AIDA: variants seen among roughly 807,000 people sequenced by gnomAD.
AIDA encodes axin interactor, dorsalization associated.
Under a neutral mutation model 42.7 loss-of-function variants are expected in AIDA, and 18 were observed. The ratio of observed to expected loss-of-function variants is 0.42; its 90% CI spans 0.29 to 0.63. The LOEUF is 0.63. Among genes scored for constraint, AIDA ranks in the 20% least tolerant of loss-of-function variants. AIDA has a pLI of 0.19. For missense variants in AIDA, 250 were observed against 354.1 expected (o/e 0.71, Z 2.36); for synonymous variants, 104 against 122.9 (o/e 0.85, Z 1.02).
intron 2 of AIDA, among the ~76,000 whole-genome samples, chr1:222,702,241 T>C (rs1655729700): frequency 6.6e-6 from 1 of 152,184 alleles, no homozygotes; most frequent in African/African-American, 2.4e-5. Flanking sequence ...AAATGGATGT[T>C]GTTAGGCTTA....
At chr1:222,673,572 C>G (rs778919579) in intron 7 of AIDA, 137 bp from the exon 8 acceptor site, 15 of 508,162 alleles carry the variant, frequency 3.0e-5, no homozygotes, top group Non-Finnish European at 4.2e-5. Context: ...GTCAGGAGAT[C>G]AAGAACATCC....
At chr1:222,684,660 T>C (rs574283255) in intron 6 of AIDA, among the ~76,000 whole-genome samples, 1 of 152,088 alleles carries the variant, frequency 6.6e-6, no homozygotes, top group Non-Finnish European at 1.5e-5. Flanking sequence ...GGGAAAAAAA[T>C]TCAGGGACTA....
intron 6 of AIDA, among the ~76,000 whole-genome samples, chr1:222,686,516 C>T (rs1007938961): frequency 1.3e-5 from 2 of 152,180 alleles, no homozygotes; most frequent in East Asian, 3.9e-4. Context: ...CATGTTGTCA[C>T]AACTTGTTGA....
chr1:222,684,718 G>T (rs1664711727), intron 6 of AIDA, among the ~76,000 whole-genome samples: 1 of 152,142 alleles, frequency 6.6e-6, no homozygotes, highest in Non-Finnish European at 1.5e-5. Context: ...ATATCACAAT[G>T]CTATATCAGA....
chr1:222,693,705 A>G, intron 4 of AIDA, 84 bp downstream of exon 4: 1 of 1,184,618 alleles, frequency 8.4e-7, no homozygotes, highest in Non-Finnish European at 1.2e-6. Context: ...AAATCAAATC[A>G]TAATCTTTGT....
chr1:222,669,909 G>A lies in AIDA; in HGVS notation c.905C>T (p.Thr302Ile), dbSNP rs780468291. 8.7e-6 allele frequency: 14 copies of A among 1,611,584 alleles called. No individual in the cohort carries two copies. The highest frequency in any genetic ancestry group is 1.2e-5 in the Non-Finnish European group (14 of 1,179,544). Reference protein sequence around the residue: ...KKPLYLHLHQTLHKE With the variant: ...KKPLYLHLHQILHKE ...ATGTCAGGATCATTCCTTGTGCAAA[G>A]TTTGATGTAGATGAAGATAAAGTGG... The change falls in exon 10 of 10, where the codon ACT (threonine) becomes ATT (isoleucine). Residue 302 changes from threonine (T) to isoleucine (I), a missense_variant. This residue lies in a region of AIDA where 35 missense variants were observed against 75.9 expected (regional missense o/e 0.46). Coordinates refer to ENST00000340020, the MANE Select transcript of AIDA (RefSeq NM_022831.4).
rs1664394682 is a variant in AIDA, at chr1:222,668,942, AT to A, written c.*950del. The A allele has an allele frequency of 6.6e-6, 1 of 151,936 alleles. No individual in the cohort carries two copies. The highest frequency in any genetic ancestry group is 2.1e-4 in the South Asian group (1 of 4,816). The allele number at this position is 151,936 out of a possible 1,614,324, so 9.4% of individuals were successfully genotyped here. A position where few individuals can be genotyped will look rare whatever the true frequency, so the allele number is the denominator to read the frequency against. On this transcript the variant is annotated 3_prime_UTR_variant, in exon 10 of 10. Coordinates refer to ENST00000340020, the MANE Select transcript of AIDA (RefSeq NM_022831.4). ...GATCCTATCTACCTATATAAAAAAA[AT>A]AGAATATCTTTCCAGATTTTGCATA...
At chr1:222,681,642 G>A (rs1658679314) in intron 6 of AIDA, among the ~76,000 whole-genome samples, 1 of 152,136 alleles carries the variant, frequency 6.6e-6, no homozygotes, top group Admixed American at 6.6e-5. Flanking sequence ...CAGCCTGGGC[G>A]ACAGAGCGAG....
At chr1:222,699,932 G>A (rs1419652555) in intron 2 of AIDA, among the ~76,000 whole-genome samples, 1 of 152,036 alleles carries the variant, frequency 6.6e-6, no homozygotes, top group African/African-American at 2.4e-5. Context: ...CCACCACGCT[G>A]GCTAATTTTT....
At chr1:222,688,241 A>G (rs972425982) in intron 4 of AIDA, among the ~76,000 whole-genome samples, 1 of 152,126 alleles carries the variant, frequency 6.6e-6, no homozygotes, top group African/African-American at 2.4e-5. Context: ...TTAGAGATAC[A>G]TGAGTACATT....
chr1:222,708,260 G>T (rs1039840084), intron 1 of AIDA, among the ~76,000 whole-genome samples: 1 of 151,226 alleles, frequency 6.6e-6, no homozygotes, highest in African/African-American at 2.4e-5. Flanking sequence ...GCAGTGAGCC[G>T]AAATCGCACC....
intron 8 of AIDA, 91 bp downstream of exon 8, chr1:222,673,222 T>C (rs1220771383): frequency 8.4e-7 from 1 of 1,189,640 alleles, no homozygotes. Context: ...TTCTGCCAGA[T>C]ACTAACTATG....
At chr1:222,670,894 C>T (rs1052430540) in intron 8 of AIDA, among the ~76,000 whole-genome samples, 4 of 152,176 alleles carry the variant, frequency 2.6e-5, no homozygotes, top group Admixed American at 2.6e-4. Context: ...TTCTGCCACT[C>T]TCCTCCAATG....
intron 6 of AIDA, among the ~76,000 whole-genome samples, chr1:222,682,569 A>G (rs1237225378): frequency 6.6e-6 from 1 of 152,154 alleles, no homozygotes; most frequent in African/African-American, 2.4e-5. Flanking sequence ...CAACATTATC[A>G]TAATATATAC....
intron 4 of AIDA, among the ~76,000 whole-genome samples, chr1:222,690,669 T>C (rs763300788): frequency 3.8e-4 from 45 of 118,020 alleles, no homozygotes; most frequent in Non-Finnish European, 6.8e-4. Context: ...TTATAATCTA[T>C]ACGTTTATAT....
chr1:222,711,057 T>C (rs914144910), intron 1 of AIDA, among the ~76,000 whole-genome samples: 1 of 148,754 alleles, frequency 6.7e-6, no homozygotes, highest in African/African-American at 2.5e-5. Context: ...ACCAAGCGTA[T>C]ATTCTTGCCA....
intron 2 of AIDA, among the ~76,000 whole-genome samples, chr1:222,695,083 TGAGGTG>T (rs1344019062): frequency 1.3e-5 from 2 of 152,252 alleles, no homozygotes; most frequent in African/African-American, 2.4e-5. Context: ...GCTGTCATTC[TGAGGTG>T]GACCTTCAAT....
intron 7 of AIDA, 139 bp downstream of exon 7, chr1:222,675,957 T>G: frequency 1.1e-6 from 1 of 873,230 alleles, no homozygotes; most frequent in Non-Finnish European, 1.7e-6. Flanking sequence ...CCAGGGACTT[T>G]GCCTCATGAT....
At chr1:222,684,916 T>G (rs1664714969) in intron 6 of AIDA, among the ~76,000 whole-genome samples, 1 of 152,168 alleles carries the variant, frequency 6.6e-6, no homozygotes. Context: ...AGATAGAAAT[T>G]TATAGAACTG....
Sources: gnomAD v4.1 joint callset for allele counts (sites outside exome capture counted in the v4.1 genomes callset) on GRCh38, gnomAD v4.1.1 for gene constraint, gnomAD v4.1.1 regional missense constraint, MANE v1.5 for transcripts, NCBI Gene and HGNC (gene_info 2026-07-23, HGNC 2026-07-21) for gene names.